TRAM2: variants seen among roughly 807,000 people sequenced by gnomAD.
The protein encoded by TRAM2 is translocation associated membrane protein 2.
TRAM2 carries 12 observed loss-of-function variants against 51.0 expected under a neutral mutation model. The ratio of observed to expected loss-of-function variants is 0.24; its 90% CI spans 0.15 to 0.38. TRAM2 has a LOEUF of 0.38. Among genes scored for constraint, TRAM2 ranks in the 10% least tolerant of loss-of-function variants. The probability of loss-of-function intolerance (pLI) is 1.00; values close to 1 mark genes in which losing one functional copy is unlikely to be tolerated. For missense variants in TRAM2, 361 were observed against 462.0 expected, an observed-to-expected ratio of 0.78 and a Z score of 2.00; for synonymous variants, 175 against 179.4, an observed-to-expected ratio of 0.98 and a Z score of 0.20.
intron 1 of TRAM2, among the ~76,000 whole-genome samples, chr6:52,539,788 GCTAT>G (rs1370869848): frequency 6.6e-6 from 1 of 152,116 alleles, no homozygotes; most frequent in East Asian, 1.9e-4. Flanking sequence ...GCTGTGCTCA[GCTAT>G]CTGACCCTCA....
At chr6:52,505,869 C>A in intron 8 of TRAM2, 127 bp from the exon 9 acceptor site, 1 of 1,417,304 alleles carries the variant, frequency 7.1e-7, no homozygotes, top group Non-Finnish European at 9.5e-7. Flanking sequence ...GCTTGAGGGA[C>A]GAGATATCTA....
At chr6:52,572,974 C>T (rs1767704918) in intron 1 of TRAM2, among the ~76,000 whole-genome samples, 1 of 152,168 alleles carries the variant, frequency 6.6e-6, no homozygotes, top group Admixed American at 6.5e-5. Context: ...CTGGGTCCCT[C>T]AACCTTTAAG....
At chr6:52,518,258 C>T (rs983472016) in intron 2 of TRAM2, among the ~76,000 whole-genome samples, 3 of 151,974 alleles carry the variant, frequency 2.0e-5, no homozygotes, top group African/African-American at 7.3e-5. Context: ...CAGGAGAGGC[C>T]GGTATTGGGG....
intron 1 of TRAM2, among the ~76,000 whole-genome samples, chr6:52,536,397 G>A (rs1766978131): frequency 6.6e-6 from 1 of 152,134 alleles, no homozygotes; most frequent in East Asian, 1.9e-4. Context: ...CACATTCCTG[G>A]TTTGTTTATT....
At position 52,514,854 on chromosome 6, in the gene TRAM2, T is replaced by C. The variant is rs575957339; in HGVS notation, c.411+1152A>G. 3.9e-5 allele frequency among the ~76,000 whole-genome samples: 6 copies of C among 152,330 alleles called. 1 individual carries two copies. In the South Asian group the frequency reaches 1.2e-3, roughly 32 times the overall value. On this transcript the variant is annotated intron_variant, in intron 4 of 10. Transcript: ENST00000182527. The stretch of plus-strand genomic sequence containing the variant: ...CTGGAAGTCTAGGGACTTGTGTGCA[T>C]GGCACAACAGCAGGGATGCACTGTT...
At chr6:52,514,893 T>A (rs1169705315) in intron 4 of TRAM2, among the ~76,000 whole-genome samples, 2 of 152,226 alleles carry the variant, frequency 1.3e-5, no homozygotes, top group Non-Finnish European at 1.5e-5. Context: ...ACAGTGTCAA[T>A]CTGCCCCTGG....
intron 1 of TRAM2, among the ~76,000 whole-genome samples, chr6:52,561,635 A>G (rs1314177433): frequency 6.6e-6 from 1 of 150,778 alleles, no homozygotes; most frequent in Admixed American, 6.6e-5. Context: ...ACAGGCGCCC[A>G]CCACCACGCC....
chr6:52,572,904 C>A (rs1345365190), intron 1 of TRAM2, among the ~76,000 whole-genome samples: 1 of 152,142 alleles, frequency 6.6e-6, no homozygotes, highest in East Asian at 1.9e-4. Flanking sequence ...AAAGGTAAAT[C>A]TGCCAAATCT....
chr6:52,572,180 C>T (rs1767690562), intron 1 of TRAM2, among the ~76,000 whole-genome samples: 1 of 152,148 alleles, frequency 6.6e-6, no homozygotes, highest in African/African-American at 2.4e-5. Flanking sequence ...AGTACGTGAC[C>T]CTCCTTGGTT....
chr6:52,521,490 G>A lies in TRAM2; in HGVS notation c.185-4753C>T, dbSNP rs111657049. Among the ~76,000 whole-genome samples, 1,487 of 151,618 alleles carry A rather than the reference G, an allele frequency of 9.8e-3. 30 individuals carry two copies. Among genetic ancestry groups the A allele is most frequent in the African/African-American group, 0.034 (1,391 of 41,402 alleles). On this transcript the variant is annotated intron_variant, in intron 2 of 10. Transcript: ENST00000182527. ...AGGCGGATCAAGAGATCAGGAGCTC[G>A]AGACCATCCTGGCTAACATGGTGAA...
chr6:52,571,155 T>C (rs1477301940), intron 1 of TRAM2, among the ~76,000 whole-genome samples: 1 of 151,906 alleles, frequency 6.6e-6, no homozygotes, highest in Non-Finnish European at 1.5e-5. Flanking sequence ...ATACTATCAG[T>C]AAAGTTTCCC....
intron 4 of TRAM2, among the ~76,000 whole-genome samples, chr6:52,513,008 C>T (rs192265073): frequency 7.2e-5 from 11 of 152,290 alleles, no homozygotes; most frequent in African/African-American, 1.4e-4. Context: ...GAAGACCAAA[C>T]GCCCACCCAT....
At chr6:52,533,887 T>C (rs1581882457) in intron 2 of TRAM2, among the ~76,000 whole-genome samples, 1 of 150,616 alleles carries the variant, frequency 6.6e-6, no homozygotes, top group Admixed American at 6.6e-5. Context: ...AGGTCAGGAG[T>C]ACAAGACCAG....
intron 2 of TRAM2, among the ~76,000 whole-genome samples, chr6:52,530,360 C>T (rs561862888): frequency 1.3e-5 from 2 of 152,298 alleles, no homozygotes; most frequent in African/African-American, 2.4e-5. Context: ...TCTTTTTAAC[C>T]AGCTGATTAT....
rs57120044 is a variant in TRAM2, at chr6:52,509,521, T to TAC, written c.470+5_470+6dup. On this transcript the variant is annotated splice_region_variant and intron_variant, in intron 5 of 10. Transcript: ENST00000182527. ...CCTCCCTGGGGCTGAGTCAACAGAA[T>TAC]ACTCACGGGAGGTGCACATGCGGGT... The TAC allele has an allele frequency of 0.13, 214,489 of 1,613,264 alleles. 17,772 individuals carry two copies. The highest frequency in any genetic ancestry group is 0.47 in the East Asian group (21,102 of 44,808).
intron 1 of TRAM2, among the ~76,000 whole-genome samples, chr6:52,542,113 C>G (rs1397212892): frequency 6.6e-6 from 1 of 152,056 alleles, no homozygotes; most frequent in Admixed American, 6.5e-5. Context: ...TCTCCCAGCT[C>G]GGCCTGTTTT....
In TRAM2 at chr6:52,503,280, G is replaced by A; in HGVS notation, c.1040-10C>T. On this transcript the variant is annotated splice_polypyrimidine_tract_variant and intron_variant, in intron 10 of 10. Coordinates refer to ENST00000182527, the MANE Select transcript of TRAM2 (RefSeq NM_012288.4). ...CCATTTTCATGGTAACCTGGGAAGT[G>A]GAGAGAGACAAGCATACATGGTGTT... The A allele has an allele frequency of 6.2e-7, 1 of 1,612,872 alleles. No individual in the cohort carries two copies. Among genetic ancestry groups the A allele is most frequent in the East Asian group, 2.2e-5 (1 of 44,878 alleles).
intron 2 of TRAM2, among the ~76,000 whole-genome samples, chr6:52,518,358 G>A (rs1052830185): frequency 3.9e-5 from 6 of 152,224 alleles, no homozygotes; most frequent in Non-Finnish European, 8.8e-5. Flanking sequence ...CGTGGTGAGC[G>A]GCGGGCTGCT....
intron 1 of TRAM2, among the ~76,000 whole-genome samples, chr6:52,573,225 G>A (rs963646468): frequency 2.6e-5 from 4 of 152,088 alleles, no homozygotes; most frequent in Admixed American, 2.6e-4. Flanking sequence ...TTGAAACGTG[G>A]CACAGAACAG....
Sources: allele counts gnomAD v4.1 joint callset (sites outside exome capture counted in the v4.1 genomes callset), GRCh38; gene constraint gnomAD v4.1.1; transcripts MANE v1.5; gene names NCBI Gene and HGNC (gene_info 2026-07-23, HGNC 2026-07-21).